The following COL26A1 variants were observed in gnomAD, a reference collection of about 807,000 sequenced individuals.
COL26A1 encodes collagen type XXVI alpha 1 chain, also known as collagen alpha-1(XXVI) chain.
A neutral mutation model predicts 59.3 loss-of-function variants in COL26A1; 41 were observed. The observed-to-expected ratio is 0.69, with a 90% confidence interval of 0.54 to 0.90. COL26A1 has a LOEUF of 0.90. Ranked by LOEUF, COL26A1 falls within the 40% of genes least tolerant of loss-of-function variation. COL26A1 has a pLI of 0.00. For missense variants in COL26A1, 612 were observed against 602.3 expected (o/e 1.02, Z -0.17); for synonymous variants, 266 against 256.0 (o/e 1.04, Z -0.37).
rs117981435 is a variant in COL26A1 at position 101,519,335 on chromosome 7, G to A, written c.386-13747G>A. On this transcript the variant is annotated intron_variant, in intron 3 of 12. Transcript: ENST00000313669. ...TTTTTTAGTTTTTCCCCTAGAGACA[G>A]GGTCTCGCTCTGTGGCCCAGGCTGG... 9.8e-5 allele frequency among the ~76,000 whole-genome samples: 15 copies of A among 152,332 alleles called. No homozygotes were observed. In the East Asian group the frequency reaches 2.7e-3, roughly 27 times the overall value.
At chr7:101,387,736 TTATATATATATATATA>T (rs369463267) in intron 1 of COL26A1, among the ~76,000 whole-genome samples, 6 of 106,938 alleles carry the variant, frequency 5.6e-5, no homozygotes, top group East Asian at 2.4e-4. Flanking sequence ...TTTAATATAA[TTATATATATATATATA>T]TTTATATATA....
At chr7:101,495,001 G>A (rs973005994) in intron 3 of COL26A1, among the ~76,000 whole-genome samples, 1 of 152,168 alleles carries the variant, frequency 6.6e-6, no homozygotes, top group African/African-American at 2.4e-5. Flanking sequence ...TCCCCCTGGC[G>A]AAAGGCAGCC....
intron 2 of COL26A1, among the ~76,000 whole-genome samples, chr7:101,441,619 A>G (rs1421421647): frequency 1.3e-5 from 2 of 152,250 alleles, no homozygotes; most frequent in East Asian, 1.9e-4. Flanking sequence ...TGCCCGGCCT[A>G]TCATACCTAC....
At chr7:101,471,574 T>G (rs1330024564) in intron 3 of COL26A1, among the ~76,000 whole-genome samples, 8 of 61,426 alleles carry the variant, frequency 1.3e-4, no homozygotes, top group African/African-American at 4.2e-4. Flanking sequence ...GTTGTTTGTT[T>G]TTTTTTTTTT....
intron 10 of COL26A1, 94 bp downstream of exon 10, chr7:101,551,237 G>GGTTTGGGGGGGGGT: frequency 2.6e-6 from 1 of 386,362 alleles, no homozygotes. Flanking sequence ...TGGTGGGGGG[G>GGTTTGGGGGGGGGT]TTCAGCCCTG....
chr7:101,439,550 T>A (rs1792998584), intron 2 of COL26A1, among the ~76,000 whole-genome samples: 1 of 6,688 alleles, frequency 1.5e-4, no homozygotes, highest in Non-Finnish European at 4.4e-4. Context: ...TGAGACTCCG[T>A]CTGAAAAAAA....
In COL26A1 at chr7:101,492,710, AT is replaced by A. The variant is rs1385259691; in HGVS notation, c.386-40371del. ...AGACTCTGTCTCAAAAAATAAATAA[AT>A]AAATAAATAAATAAATAAATAAATA... On this transcript the variant is annotated intron_variant, in intron 3 of 12. Coordinates refer to ENST00000313669, the MANE Select transcript of COL26A1 (RefSeq NM_001278563.3). Among the ~76,000 whole-genome samples the A allele has an allele frequency of 4.1e-4, 18 of 43,906 alleles. No homozygotes were observed. In the African/African-American group the frequency reaches 5.0e-3, roughly 12 times the overall value. 28.8% of individuals were successfully genotyped at this position (43,906 alleles called of 152,430 possible). A position where few individuals can be genotyped will look rare whatever the true frequency, so the allele number is the denominator to read the frequency against.
chr7:101,383,659 CT>C (rs1239268763), intron 1 of COL26A1, among the ~76,000 whole-genome samples: 1 of 152,178 alleles, frequency 6.6e-6, no homozygotes, highest in Non-Finnish European at 1.5e-5. Context: ...CTCAGCCCCC[CT>C]AGTAGCTGGG....
Position 101,419,868 on chromosome 7 carries a change from C to T in COL26A1, c.159-109C>T, listed in dbSNP as rs552078571. ...GGGCCCCCCATCCAAGAGAGCGAGC[C>T]TCCACCCCAGGTTTGCGGGGGCCCC... On this transcript the variant is annotated intron_variant, in intron 1 of 12. Coordinates refer to ENST00000313669, the MANE Select transcript of COL26A1 (RefSeq NM_001278563.3). 2.5e-6 allele frequency: 3 copies of T among 1,193,616 alleles called. No homozygotes were observed. The South Asian group carries it at 4.2e-5, about 17-fold the overall frequency. 73.9% of individuals were successfully genotyped at this position (1,193,616 alleles called of 1,614,324 possible). A position where few individuals can be genotyped will look rare whatever the true frequency, so the allele number is the denominator to read the frequency against.
intron 3 of COL26A1, among the ~76,000 whole-genome samples, chr7:101,453,737 T>C (rs779451722): frequency 1.2e-4 from 18 of 152,298 alleles, no homozygotes; most frequent in South Asian, 4.1e-4. Context: ...TGAAAACCCT[T>C]GTAAAGATTT....
At chr7:101,405,846 C>CA (rs1792116441) in intron 1 of COL26A1, among the ~76,000 whole-genome samples, 2 of 152,228 alleles carry the variant, frequency 1.3e-5, no homozygotes, top group Non-Finnish European at 1.5e-5. Flanking sequence ...GTGGCCCCGC[C>CA]AGCCCTTCCC....
intron 3 of COL26A1, among the ~76,000 whole-genome samples, chr7:101,491,489 T>C (rs1055372104): frequency 6.6e-6 from 1 of 152,072 alleles, no homozygotes; most frequent in Non-Finnish European, 1.5e-5. Context: ...AAAAGCAAGT[T>C]TATGAAGAAA....
intron 1 of COL26A1, among the ~76,000 whole-genome samples, chr7:101,398,018 T>C (rs1791900100): frequency 6.6e-6 from 1 of 152,222 alleles, no homozygotes; most frequent in African/African-American, 2.4e-5. Flanking sequence ...TAGCTTTGCC[T>C]GTCCTTGAAT....
At chr7:101,469,458 GC>G (rs1349221029) in intron 3 of COL26A1, among the ~76,000 whole-genome samples, 1 of 151,410 alleles carries the variant, frequency 6.6e-6, no homozygotes, top group Non-Finnish European at 1.5e-5. Context: ...CAGTTTACCT[GC>G]ACTTATGCAA....
At chr7:101,515,208 C>G (rs1214176089) in intron 3 of COL26A1, among the ~76,000 whole-genome samples, 1 of 152,224 alleles carries the variant, frequency 6.6e-6, no homozygotes, top group Admixed American at 6.5e-5. Context: ...TTCTTGGAAC[C>G]TGCACACAAA....
At chr7:101,384,596 C>T (rs1791524854) in intron 1 of COL26A1, among the ~76,000 whole-genome samples, 1 of 152,156 alleles carries the variant, frequency 6.6e-6, no homozygotes, top group Non-Finnish European at 1.5e-5. Flanking sequence ...GTTGGGATTA[C>T]AGGCATGAGC....
intron 1 of COL26A1, among the ~76,000 whole-genome samples, chr7:101,364,449 T>C (rs1790992798): frequency 3.3e-5 from 5 of 151,998 alleles, no homozygotes. Context: ...TCCATTTCTT[T>C]TGATCCTTAA....
chr7:101,421,456 C>T (rs539172184), intron 2 of COL26A1, among the ~76,000 whole-genome samples: 1 of 152,178 alleles, frequency 6.6e-6, no homozygotes, highest in South Asian at 2.1e-4. Flanking sequence ...GGGTGGATCA[C>T]TTGAGGTCAG....
intron 3 of COL26A1, among the ~76,000 whole-genome samples, chr7:101,520,663 C>CACACACACA (rs57784373): frequency 7.2e-6 from 1 of 139,054 alleles, no homozygotes. Flanking sequence ...CACACACACA[C>CACACACACA]CCCCGTGTTC....
Sources: allele counts gnomAD v4.1 joint callset (sites outside exome capture counted in the v4.1 genomes callset), GRCh38; gene constraint gnomAD v4.1.1; transcripts MANE v1.5; gene names NCBI Gene and HGNC (gene_info 2026-07-23, HGNC 2026-07-21).